CNBD1: variants seen among roughly 807,000 people sequenced by gnomAD.
CNBD1 encodes cyclic nucleotide binding domain containing 1.
CNBD1 carries 71 observed loss-of-function variants against 54.4 expected under a neutral mutation model. The observed-to-expected ratio is 1.30, with a 90% confidence interval of 1.08 to 1.59. The LOEUF is 1.59. CNBD1 is among the 40% of genes most tolerant of loss of function. The pLI is 0.00. For missense variants in CNBD1, 659 were observed against 518.0 expected (o/e 1.27, Z -2.64); for synonymous variants, 182 against 170.7 (o/e 1.07, Z -0.51).
intron 5 of CNBD1, among the ~76,000 whole-genome samples, chr8:87,218,405 A>T (rs751444114): frequency 1.3e-5 from 2 of 152,090 alleles, no homozygotes; most frequent in Non-Finnish European, 2.9e-5. Context: ...TAAACTAATG[A>T]TTATCATTCA....
chr8:87,167,880 A>T (rs1407600515), intron 4 of CNBD1, among the ~76,000 whole-genome samples: 1 of 151,960 alleles, frequency 6.6e-6, no homozygotes. Flanking sequence ...CCAATGTCAT[A>T]GGGTATACTT....
chr8:87,003,145 A>G (rs1409510961), intron 4 of CNBD1, among the ~76,000 whole-genome samples: 1 of 152,190 alleles, frequency 6.6e-6, no homozygotes, highest in Non-Finnish European at 1.5e-5. Context: ...CAGAGATCTG[A>G]AAAACAATAT....
chr8:87,327,412 G>T, intron 8 of CNBD1, among the ~76,000 whole-genome samples: 1 of 152,172 alleles, frequency 6.6e-6, no homozygotes, highest in Non-Finnish European at 1.5e-5. Flanking sequence ...CCTCGCTGCT[G>T]CCTTGCAGTT....
At chr8:87,383,027 T>A (rs1251705135), downstream of CNBD1, among the ~76,000 whole-genome samples, 1 of 152,010 alleles carries the variant, frequency 6.6e-6, no homozygotes, top group African/African-American at 2.4e-5. Flanking sequence ...GAGGACCACA[T>A]GTGCCTTTTG....
chr8:86,949,947 CTTTTTTTTTTT>C (rs770744308), intron 4 of CNBD1, among the ~76,000 whole-genome samples: 1 of 15,702 alleles, frequency 6.4e-5, no homozygotes, highest in Non-Finnish European at 1.1e-4. Context: ...TCATCAAATG[CTTTTTTTTTTT>C]TTTTTTTTTT....
At chr8:87,275,702 A>G (rs909584399) in intron 6 of CNBD1, among the ~76,000 whole-genome samples, 2 of 151,694 alleles carry the variant, frequency 1.3e-5, no homozygotes, top group Non-Finnish European at 2.9e-5. Context: ...TATTCAACAT[A>G]GTGTTGGAAA....
At position 87,181,328 on chromosome 8, in the gene CNBD1, G is replaced by C. The variant is rs1272122517; in HGVS notation, c.432-24665G>C. Among the ~76,000 whole-genome samples the C allele has an allele frequency of 3.3e-5, 5 of 152,142 alleles. No individual in the cohort carries two copies. In the East Asian group the frequency reaches 5.8e-4, roughly 18 times the overall value. Reference sequence around the variant, plus strand: ...TGAAACCATAGTTACAATTGAGATAGTATATAATATACAAATAACAGCTCC... The same window carrying C: ...TGAAACCATAGTTACAATTGAGATACTATATAATATACAAATAACAGCTCC... On this transcript the variant is annotated intron_variant, in intron 4 of 10. Coordinates refer to ENST00000518476, the MANE Select transcript of CNBD1 (RefSeq NM_173538.3).
intron 4 of CNBD1, among the ~76,000 whole-genome samples, chr8:86,967,880 G>C (rs1808126988): frequency 6.6e-6 from 1 of 151,722 alleles, no homozygotes; most frequent in South Asian, 2.1e-4. Context: ...TTGTTGAAAG[G>C]TAGATATTGA....
At chr8:87,287,292 A>G (rs560005794) in intron 8 of CNBD1, among the ~76,000 whole-genome samples, 50 of 152,272 alleles carry the variant, frequency 3.3e-4, no homozygotes, top group African/African-American at 1.2e-3. Flanking sequence ...CAATTTAACA[A>G]GGGTTGCTAA....
At chr8:87,360,758 T>C (rs10504831) in intron 10 of CNBD1, among the ~76,000 whole-genome samples, 59,114 of 151,570 alleles carry the variant, frequency 0.39, 11,777 homozygotes, top group Middle Eastern at 0.46. Flanking sequence ...ATGTGCTTAA[T>C]TTGCCATACC....
At chr8:87,061,617 C>T (rs1160025851) in intron 4 of CNBD1, among the ~76,000 whole-genome samples, 1 of 152,074 alleles carries the variant, frequency 6.6e-6, no homozygotes, top group Non-Finnish European at 1.5e-5. Context: ...GTGTTTGCCC[C>T]ATTCTGAGAT....
chr8:87,030,146 C>T (rs58823533), intron 4 of CNBD1, among the ~76,000 whole-genome samples: 6,112 of 152,052 alleles, frequency 0.04, 407 homozygotes, highest in African/African-American at 0.14. Context: ...ATGGCACTAA[C>T]TTTTTTTTAA....
chr8:86,986,131 T>C (rs1808602006), intron 4 of CNBD1, among the ~76,000 whole-genome samples: 2 of 152,130 alleles, frequency 1.3e-5, no homozygotes, highest in Admixed American at 1.3e-4. Context: ...GGTTTCACCA[T>C]GTTGGCTAGC....
chr8:87,184,099 C>T (rs543993934), intron 4 of CNBD1, among the ~76,000 whole-genome samples: 8 of 152,302 alleles, frequency 5.3e-5, no homozygotes, highest in East Asian at 1.9e-4. Context: ...AGGGGCTGCA[C>T]GCATGTGCTC....
chr8:87,327,712 T>G (rs1310850002), intron 8 of CNBD1, among the ~76,000 whole-genome samples: 1 of 152,144 alleles, frequency 6.6e-6, no homozygotes, highest in Non-Finnish European at 1.5e-5. Context: ...TGGCACTTCC[T>G]AGTGAGATGA....
At chr8:87,385,497 C>A (rs112605403), downstream of CNBD1, among the ~76,000 whole-genome samples, 2 of 152,058 alleles carry the variant, frequency 1.3e-5, no homozygotes, top group Non-Finnish European at 2.9e-5. Flanking sequence ...GAGGGTCCTA[C>A]GCCCACGGAT....
intron 4 of CNBD1, among the ~76,000 whole-genome samples, chr8:87,141,408 CAG>C (rs759055147): frequency 4.5e-4 from 68 of 152,080 alleles, no homozygotes; most frequent in Non-Finnish European, 8.8e-4. Flanking sequence ...TATATGTTGA[CAG>C]AATATTATAA....
At chr8:87,251,806 T>C (rs931007631) in intron 6 of CNBD1, among the ~76,000 whole-genome samples, 7 of 152,174 alleles carry the variant, frequency 4.6e-5, no homozygotes, top group Non-Finnish European at 1.0e-4. Context: ...CTTCTTACAC[T>C]GGCTGGGTCT....
At chr8:87,020,884 C>G (rs1035453954) in intron 4 of CNBD1, among the ~76,000 whole-genome samples, 2 of 152,162 alleles carry the variant, frequency 1.3e-5, no homozygotes, top group Non-Finnish European at 2.9e-5. Flanking sequence ...TCTCTAAAGT[C>G]TGCTATCCAA....
Sources: gnomAD v4.1 joint callset for allele counts (sites outside exome capture counted in the v4.1 genomes callset) on GRCh38, gnomAD v4.1.1 for gene constraint, MANE v1.5 for transcripts, NCBI Gene and HGNC (gene_info 2026-07-23, HGNC 2026-07-21) for gene names.